Variants in SNTG1 observed in about 807,000 individuals in gnomAD.
SNTG1 encodes gamma-1-syntrophin.
Under a neutral mutation model 74.7 loss-of-function variants are expected in SNTG1, and 39 were observed. That is an observed-to-expected ratio of 0.52 (90% CI 0.40 to 0.68). The LOEUF (loss-of-function observed/expected upper bound fraction) is 0.68. SNTG1 is among the 30% of genes least tolerant of loss of function. The pLI is 0.00. For synonymous variants in SNTG1, 254 were observed against 217.1 expected, an observed-to-expected ratio of 1.17 and a Z score of -1.49; for missense variants, 685 against 609.5, an observed-to-expected ratio of 1.12 and a Z score of -1.30.
intron 2 of SNTG1, among the ~76,000 whole-genome samples, chr8:50,184,459 C>T (rs1190173185): frequency 6.6e-6 from 1 of 152,130 alleles, no homozygotes; most frequent in African/African-American, 2.4e-5. Context: ...CCACCGTGCC[C>T]GGCCTACATC....
intron 2 of SNTG1, among the ~76,000 whole-genome samples, chr8:50,257,434 G>C (rs2130017759): frequency 6.6e-6 from 1 of 152,268 alleles, no homozygotes; most frequent in South Asian, 2.1e-4. Flanking sequence ...TGCCAAGAGT[G>C]AGGCATGCCA....
chr8:50,165,074 T>G (rs1426017306), intron 1 of SNTG1, among the ~76,000 whole-genome samples: 2 of 152,164 alleles, frequency 1.3e-5, no homozygotes, highest in African/African-American at 2.4e-5. Flanking sequence ...CAAAAAATGT[T>G]GAATTAGGTG....
chr8:50,706,998 A>G (rs1360108974), intron 16 of SNTG1, among the ~76,000 whole-genome samples: 1 of 151,990 alleles, frequency 6.6e-6, no homozygotes, highest in South Asian at 2.1e-4. Flanking sequence ...GTTTTTAAGG[A>G]AACAAATTAA....
chr8:50,512,840 A>T (rs1345963494), intron 9 of SNTG1, among the ~76,000 whole-genome samples: 1 of 151,856 alleles, frequency 6.6e-6, no homozygotes, highest in East Asian at 2.0e-4. Flanking sequence ...AAGGTTTTTA[A>T]CTTCTTTGCC....
chr8:50,345,420 A>G (rs2091442681), intron 2 of SNTG1, among the ~76,000 whole-genome samples: 1 of 152,140 alleles, frequency 6.6e-6, no homozygotes, highest in Non-Finnish European at 1.5e-5. Context: ...TCTGCCTTCT[A>G]GAACCCTACT....
intron 8 of SNTG1, among the ~76,000 whole-genome samples, chr8:50,470,299 T>C (rs1319919498): frequency 6.6e-6 from 1 of 152,208 alleles, no homozygotes; most frequent in Non-Finnish European, 1.5e-5. Context: ...TGTGCCAAAA[T>C]GGCCAAGACA....
intron 2 of SNTG1, among the ~76,000 whole-genome samples, chr8:50,231,622 C>T (rs1440586882): frequency 6.6e-6 from 1 of 151,200 alleles, no homozygotes; most frequent in Non-Finnish European, 1.5e-5. Context: ...AAGCCAGAAA[C>T]AAGAAAGACT....
chr8:50,786,507 T>C (rs2095675626), intron 18 of SNTG1, among the ~76,000 whole-genome samples: 1 of 151,968 alleles, frequency 6.6e-6, no homozygotes, highest in Admixed American at 6.6e-5. Context: ...AATGGACAAG[T>C]TGATCCTGAA....
chr8:50,596,957 C>T (rs1308871554), intron 13 of SNTG1, among the ~76,000 whole-genome samples: 1 of 151,850 alleles, frequency 6.6e-6, no homozygotes, highest in Non-Finnish European at 1.5e-5. Flanking sequence ...GAAGTTTACA[C>T]TACATGGTTA....
At chr8:50,080,383 T>C (rs774464755) in intron 1 of SNTG1, among the ~76,000 whole-genome samples, 11 of 152,206 alleles carry the variant, frequency 7.2e-5, no homozygotes, top group Non-Finnish European at 1.3e-4. Flanking sequence ...GTTGATGATA[T>C]AAAATTGTAT....
intron 18 of SNTG1, among the ~76,000 whole-genome samples, chr8:50,790,536 A>G (rs1563842089): frequency 6.6e-6 from 1 of 151,922 alleles, no homozygotes; most frequent in African/African-American, 2.4e-5. Flanking sequence ...TACTCACATA[A>G]GAAATTAGTA....
At chr8:50,053,464 T>C (rs1480786785) in intron 1 of SNTG1, among the ~76,000 whole-genome samples, 1 of 151,990 alleles carries the variant, frequency 6.6e-6, no homozygotes, top group Non-Finnish European at 1.5e-5. Context: ...TTTTTCTTTG[T>C]GTAAGTAAAA....
intron 1 of SNTG1, among the ~76,000 whole-genome samples, chr8:50,060,072 G>A (rs1013665428): frequency 4.6e-5 from 7 of 152,000 alleles, no homozygotes; most frequent in Admixed American, 2.6e-4. Flanking sequence ...CAGTAAAGGT[G>A]GTTTTGATTG....
intron 1 of SNTG1, among the ~76,000 whole-genome samples, chr8:50,161,005 A>G (rs923128980): frequency 6.6e-6 from 1 of 152,180 alleles, no homozygotes; most frequent in Non-Finnish European, 1.5e-5. Context: ...TATTTAGAGA[A>G]TGGCAATGAC....
At chr8:50,016,987 C>T (rs1209280600) in intron 1 of SNTG1, among the ~76,000 whole-genome samples, 1 of 152,002 alleles carries the variant, frequency 6.6e-6, no homozygotes, top group Non-Finnish European at 1.5e-5. Flanking sequence ...CTGAGAACTC[C>T]ATCTACCTCA....
intron 8 of SNTG1, among the ~76,000 whole-genome samples, chr8:50,487,172 A>C (rs1448869858): frequency 1.3e-4 from 20 of 152,200 alleles, no homozygotes; most frequent in Non-Finnish European, 2.4e-4. Flanking sequence ...GGCAATCATT[A>C]AAAAGTCAGG....
chr8:50,383,376 T>G (rs1291894528), intron 2 of SNTG1, among the ~76,000 whole-genome samples: 1 of 151,728 alleles, frequency 6.6e-6, no homozygotes, highest in Non-Finnish European at 1.5e-5. Context: ...TAATAAATCT[T>G]ATGTTAGATG....
chr8:50,156,309 A>G (rs2082253189), intron 1 of SNTG1, among the ~76,000 whole-genome samples: 1 of 152,144 alleles, frequency 6.6e-6, no homozygotes, highest in South Asian at 2.1e-4. Context: ...AGTATTGTCA[A>G]GTGCTATAGC....
chr8:50,521,019 A>G (rs913024512), intron 9 of SNTG1, among the ~76,000 whole-genome samples: 2 of 152,194 alleles, frequency 1.3e-5, no homozygotes, highest in African/African-American at 4.8e-5. Context: ...CATGCAACCA[A>G]CCCAACTGCC....
Sources: gnomAD v4.1 joint callset for allele counts (sites outside exome capture counted in the v4.1 genomes callset) on GRCh38, gnomAD v4.1.1 for gene constraint, MANE v1.5 for transcripts, NCBI Gene and HGNC (gene_info 2026-07-23, HGNC 2026-07-21) for gene names.